COL20A1: variants seen among roughly 807,000 people sequenced by gnomAD.
COL20A1 encodes the protein collagen alpha-1(XX) chain.
Under a neutral mutation model 152.9 loss-of-function variants are expected in COL20A1, and 164 were observed. The observed-to-expected ratio is 1.07, with a 90% CI of 0.94 to 1.22. The LOEUF (loss-of-function observed/expected upper bound fraction) is 1.22, where lower values mean the gene tolerates loss of function less well. Ranked by LOEUF, COL20A1 falls within the 50% of genes most tolerant of loss-of-function variation. The pLI, the probability that COL20A1 is intolerant of heterozygous loss-of-function variation, is 0.00. For synonymous variants in COL20A1, 864 were observed against 756.0 expected (o/e 1.14, Z -2.34); for missense variants, 1,873 against 1,744.8 (o/e 1.07, Z -1.31).
Position 63,316,693 on chromosome 20 carries a change from T to A in COL20A1, c.2663+2T>A. Reference sequence around the variant, plus strand: ...CGCCCAGCTGACAAGACGGGTCAGGTGTGAGGGCAAGGGCTGGGGTGGAGC... The same window carrying A: ...CGCCCAGCTGACAAGACGGGTCAGGAGTGAGGGCAAGGGCTGGGGTGGAGC... On this transcript the variant is annotated splice_donor_variant, in intron 21 of 35. Transcript: ENST00000358894. LOFTEE classifies it high-confidence loss of function. 1 of 1,549,798 alleles carries A rather than the reference T, an allele frequency of 6.5e-7. No homozygotes were observed. The highest frequency in any genetic ancestry group is 8.7e-7 in the Non-Finnish European group (1 of 1,147,804).
In COL20A1 at chr20:63,307,667, CG is replaced by C. The variant is rs1568770118; in HGVS notation, c.655+20del. On this transcript the variant is annotated intron_variant, in intron 6 of 35. Transcript: ENST00000358894. ...CAAGTAGGTGGGTGCTGGCCCGGCC[CG>C]CCTCCTGCCCCACCCGGGTGTGGTC... 2 of 1,604,714 alleles carry C rather than the reference CG, an allele frequency of 1.2e-6. No individual in the cohort carries two copies. Among genetic ancestry groups the C allele is most frequent in the Admixed American group, 3.3e-5 (2 of 59,730 alleles).
intron 21 of COL20A1, among the ~76,000 whole-genome samples, chr20:63,317,812 G>C (rs1051183543): frequency 4.0e-5 from 6 of 151,850 alleles, no homozygotes; most frequent in Non-Finnish European, 7.4e-5. Context: ...CTCCTCTCTG[G>C]GCAGCAGGCT....
At chr20:63,316,892 C>T (rs2068092013) in intron 21 of COL20A1, among the ~76,000 whole-genome samples, 1 of 152,226 alleles carries the variant, frequency 6.6e-6, no homozygotes, top group Admixed American at 6.5e-5. Context: ...AATAAAATCT[C>T]CATGGGCAGA....
At chr20:63,312,121 T>C in intron 14 of COL20A1, 66 bp downstream of exon 14, 1 of 1,471,514 alleles carries the variant, frequency 6.8e-7, no homozygotes, top group Non-Finnish European at 9.0e-7. Context: ...CTGGCAGGCA[T>C]GGGGTGGAGC....
chr20:63,311,022 C>T lies in COL20A1; in HGVS notation c.1394-372C>T, dbSNP rs752414759. Among the ~76,000 whole-genome samples the T allele has an allele frequency of 2.0e-5, 3 of 152,058 alleles. No homozygotes were observed. The highest frequency in any genetic ancestry group is 1.9e-4 in the East Asian group (1 of 5,184). ...GAGGAACCCTGCACCCCTAAGCACC[C>T]GCCCCCCCAGCCACCCCAAGCCACC... On this transcript the variant is annotated intron_variant, in intron 11 of 35. Coordinates refer to ENST00000358894, the MANE Select transcript of COL20A1 (RefSeq NM_020882.4). The surrounding 1 kb of genome is among the most constrained non-coding windows in gnomAD (Gnocchi z 4.4).
chr20:63,321,003 C>T lies in COL20A1; in HGVS notation c.3154-10C>T. ...GGTCTCTCTAATGGGCAGGGTCTCT[C>T]TTCTTCCAGAGGGATGGAGAGACCT... On this transcript the variant is annotated splice_polypyrimidine_tract_variant and intron_variant, in intron 25 of 35. Coordinates refer to ENST00000358894, the MANE Select transcript of COL20A1 (RefSeq NM_020882.4). 1 of 1,562,602 alleles carries T rather than the reference C, an allele frequency of 6.4e-7. No homozygotes were observed. Among genetic ancestry groups the T allele is most frequent in the Non-Finnish European group, 8.7e-7 (1 of 1,153,696 alleles).
rs377370525 is a variant in COL20A1, at chr20:63,321,046, G to A, written c.3187G>A (p.Ala1063Thr). 1 of 1,601,312 alleles carries A rather than the reference G, an allele frequency of 6.2e-7. No individual in the cohort carries two copies. The highest frequency in any genetic ancestry group is 8.5e-7 in the Non-Finnish European group (1 of 1,174,746). Residue 1063 changes from alanine to threonine, a missense_variant, in exon 26 of 36, where the codon GCC becomes ACC. Ala to Thr is a moderately conservative substitution (Grantham distance 58). Transcript: ENST00000358894. ...AGAGACCTGCCCCGCCTTCGTGTCTGCCTGTTCCTGTTCCTCAGAGACCCC... is the reference window on the plus strand; with the variant it reads ...AGAGACCTGCCCCGCCTTCGTGTCTACCTGTTCCTGTTCCTCAGAGACCCC... ...DGETCPAFVS[A>T]CSCSSETPGP...
rs568436394 is a variant in COL20A1 at position 63,299,520 on chromosome 20, A to G, written c.193+1500A>G. On this transcript the variant is annotated intron_variant, in intron 3 of 35. Transcript: ENST00000358894. Reference sequence around the variant, plus strand: ...GAGGTCTGTGATTTGTATTTATCACATGAATTCAATCCTGTAGCCGCTATC... The same window carrying G: ...GAGGTCTGTGATTTGTATTTATCACGTGAATTCAATCCTGTAGCCGCTATC... Among the ~76,000 whole-genome samples, 9 of 152,276 alleles carry G rather than the reference A, an allele frequency of 5.9e-5. No homozygotes were observed. The South Asian group carries it at 1.9e-3, about 32-fold the overall frequency.
chr20:63,305,599 AG>A lies in COL20A1; in HGVS notation c.337+41del. 6.4e-7 allele frequency: 1 copy of A among 1,551,966 alleles called. No homozygotes were observed. The highest frequency in any genetic ancestry group is 8.7e-7 in the Non-Finnish European group (1 of 1,151,060). On this transcript the variant is annotated intron_variant, in intron 4 of 35. Coordinates refer to ENST00000358894, the MANE Select transcript of COL20A1 (RefSeq NM_020882.4). The surrounding 1 kb of genome is among the most constrained non-coding windows in gnomAD (Gnocchi z 4.9). ...CTGCCAGCTGGGTACCCACTCCTCC[AG>A]GCCGGGTCCCACCCTCCTCTGGGCT... is the stretch of plus-strand genomic sequence containing the variant.
At position 63,310,529 on chromosome 20, in the gene COL20A1, G is replaced by C; in HGVS notation, c.1393+19G>C. ...ACCACAGGTAGGTGGGGCAGAGGCA[G>C]CGGCCAGGTTCTGGGTGGGAGGCCC... On this transcript the variant is annotated intron_variant, in intron 11 of 35. Coordinates refer to ENST00000358894, the MANE Select transcript of COL20A1 (RefSeq NM_020882.4). The C allele has an allele frequency of 6.4e-7, 1 of 1,570,010 alleles. No individual in the cohort carries two copies. Among genetic ancestry groups the C allele is most frequent in the Non-Finnish European group, 8.6e-7 (1 of 1,156,944 alleles).
chr20:63,311,645 G>A lies in COL20A1; in HGVS notation c.1560G>A (p.Glu520=). Residue 520 remains glutamate (E), a synonymous_variant, in exon 13 of 36, where the codon GAG becomes GAA. Transcript: ENST00000358894. This position sits in a 1 kb window ranked among gnomAD's most constrained non-coding sequence, Gnocchi z 4.4. The stretch of plus-strand genomic sequence containing the variant: ...TGCAGGTGCAGGTCGGGCGGCCCGA[G>A]GTGCTGCTGGATGGCCTGGAACCTG... The part of the protein sequence containing the change: ...EEREVQVGRP[E]VLLDGLEPGR... The A allele has an allele frequency of 6.2e-7, 1 of 1,609,990 alleles. No homozygotes were observed. The highest frequency in any genetic ancestry group is 8.5e-7 in the Non-Finnish European group (1 of 1,179,628).
chr20:63,316,553 G>T lies in COL20A1; in HGVS notation c.2525G>T (p.Gly842Val), dbSNP rs1411870331. The T allele has an allele frequency of 6.3e-7, 1 of 1,590,088 alleles. No homozygotes were observed. Among genetic ancestry groups the T allele is most frequent in the Non-Finnish European group, 8.6e-7 (1 of 1,168,748 alleles). Residue 842 changes from glycine to valine, a missense_variant and splice_region_variant, in exon 21 of 36, where the codon GGG becomes GTG. Coordinates refer to ENST00000358894, the MANE Select transcript of COL20A1 (RefSeq NM_020882.4). ...PALRPDGSLP[G>V]FDLMVAFSLV... ...CCCCTTCCCCCACCATCTTCCCCAGGGTTTGACCTGATGGTGGCCTTCAGC... is the reference window on the plus strand; with the variant it reads ...CCCCTTCCCCCACCATCTTCCCCAGTGTTTGACCTGATGGTGGCCTTCAGC...
At position 63,294,442 on chromosome 20, in the gene COL20A1, C is replaced by G. The variant is rs1160250283; in HGVS notation, c.-10-656C>G. 5.9e-5 allele frequency among the ~76,000 whole-genome samples: 9 copies of G among 152,022 alleles called. No individual in the cohort carries two copies. In the East Asian group the frequency reaches 1.8e-3, roughly 30 times the overall value. Reference sequence around the variant, plus strand: ...TCCCAGCCCCTTTGAGTGGGCCGGGCCTGGTTTTTTCTGGTCCTCCTTGTA... The same window carrying G: ...TCCCAGCCCCTTTGAGTGGGCCGGGGCTGGTTTTTTCTGGTCCTCCTTGTA... On this transcript the variant is annotated intron_variant, in intron 1 of 35. Transcript: ENST00000358894.
intron 1 of COL20A1, among the ~76,000 whole-genome samples, chr20:63,293,808 G>A (rs1216415302): frequency 6.6e-6 from 1 of 150,778 alleles, no homozygotes; most frequent in Non-Finnish European, 1.5e-5. Flanking sequence ...TTTCCCGCCG[G>A]GTGAGGCCTT....
chr20:63,319,470 C>T lies in COL20A1; in HGVS notation c.2807-17C>T, dbSNP rs750192825. The T allele has an allele frequency of 4.5e-6, 7 of 1,547,138 alleles. No individual in the cohort carries two copies. The highest frequency in any genetic ancestry group is 3.6e-5 in the South Asian group (3 of 84,166). ...GGTTGCAGCCCGTTCTCACCTGCTC[C>T]ACCCCTTCCCTGGCAGCCGGGAAGA... On this transcript the variant is annotated splice_polypyrimidine_tract_variant and intron_variant, in intron 22 of 35. Coordinates refer to ENST00000358894, the MANE Select transcript of COL20A1 (RefSeq NM_020882.4). The surrounding 1 kb of genome is among the most constrained non-coding windows in gnomAD (Gnocchi z 4.4).
At chr20:63,301,725 C>T (rs1049630755) in intron 3 of COL20A1, among the ~76,000 whole-genome samples, 2 of 152,114 alleles carry the variant, frequency 1.3e-5, no homozygotes, top group African/African-American at 4.8e-5. Flanking sequence ...ACTATTGCTT[C>T]ACCAGGTAGT....
Position 63,333,330 on chromosome 20 carries a change from G to A in COL20A1, c.*2614G>A, listed in dbSNP as rs1376023909. 1 of 152,378 alleles carries A rather than the reference G, an allele frequency of 6.6e-6. No homozygotes were observed. Among genetic ancestry groups the A allele is most frequent in the African/African-American group, 2.4e-5 (1 of 41,464 alleles). The allele number at this position is 152,378 out of a possible 1,614,324, so 9.4% of individuals were successfully genotyped here. On this transcript the variant is annotated 3_prime_UTR_variant, in exon 36 of 36. Coordinates refer to ENST00000358894, the MANE Select transcript of COL20A1 (RefSeq NM_020882.4). ...TGTTCAGCTCAGGCCAGCCACCGAGGTGGTGTGACGCAAGGCTGATCTGAC... is the reference window on the plus strand; with the variant it reads ...TGTTCAGCTCAGGCCAGCCACCGAGATGGTGTGACGCAAGGCTGATCTGAC...
chr20:63,328,225 T>C, intron 33 of COL20A1, 98 bp downstream of exon 33: 3 of 1,561,980 alleles, frequency 1.9e-6, no homozygotes, highest in Non-Finnish European at 2.6e-6. Flanking sequence ...GGAGGCCGCC[T>C]TCACCCATCG....
At position 63,309,832 on chromosome 20, in the gene COL20A1, C is replaced by G; in HGVS notation, c.1180C>G (p.Arg394Gly). The G allele has an allele frequency of 1.2e-6, 2 of 1,610,788 alleles. No homozygotes were observed. Among genetic ancestry groups the G allele is most frequent in the Non-Finnish European group, 1.7e-6 (2 of 1,178,892 alleles). The change falls in exon 10 of 36, where the codon CGC (arginine) becomes GGC (glycine). Residue 394 changes from arginine (R) to glycine (G), a missense_variant. Arg to Gly is a moderately radical substitution (Grantham distance 125, BLOSUM62 -2). Transcript: ENST00000358894. The part of the protein sequence containing the change: ...VLSQVTSSSI[R>G]LSWTPAPRHP... ...GAGCCAGGTGACCTCCTCCAGCATC[C>G]GCCTGTCCTGGACTCCAGCCCCCCG...
Sources: allele counts gnomAD v4.1 joint callset (sites outside exome capture counted in the v4.1 genomes callset), GRCh38; gene constraint gnomAD v4.1.1; non-coding constraint Gnocchi (gnomAD v3.1); transcripts MANE v1.5; gene names NCBI Gene and HGNC (gene_info 2026-07-23, HGNC 2026-07-21).